The following RBMS3 variants were observed in gnomAD, a reference collection of about 807,000 sequenced individuals.
The protein encoded by RBMS3 is RNA binding motif single stranded interacting protein 3.
In RBMS3, 27 loss-of-function variants were observed where a neutral mutation model predicts 66.8. The observed-to-expected ratio is 0.40, with a 90% CI of 0.30 to 0.56. RBMS3 has a LOEUF of 0.56. Among genes scored for constraint, RBMS3 ranks in the 20% least tolerant of loss-of-function variants. The pLI, the probability that RBMS3 is intolerant of heterozygous loss-of-function variation, is 0.40. For missense variants in RBMS3, 513 were observed against 549.5 expected, an observed-to-expected ratio of 0.93 and a Z score of 0.66; for synonymous variants, 188 against 183.0, an observed-to-expected ratio of 1.03 and a Z score of -0.22.
At chr3:29,699,837 T>A (rs935508425) in intron 4 of RBMS3, among the ~76,000 whole-genome samples, 1 of 152,208 alleles carries the variant, frequency 6.6e-6, no homozygotes, top group South Asian at 2.1e-4. Context: ...TACCTGTCTG[T>A]GTAACCTCCT....
chr3:30,004,031 T>A lies in RBMS3; in HGVS notation c.*169T>A. On this transcript the variant is annotated 3_prime_UTR_variant, in exon 15 of 15. Transcript: ENST00000383767. ...ACCCAATGAAAGCAAAGTTTTTATGTGCTGTGCAAATGGTCTTCATGTGGT... is the reference window on the plus strand; with the variant it reads ...ACCCAATGAAAGCAAAGTTTTTATGAGCTGTGCAAATGGTCTTCATGTGGT... 2.3e-6 allele frequency: 1 copy of A among 437,082 alleles called. No individual in the cohort carries two copies. Among genetic ancestry groups the A allele is most frequent in the Admixed American group, 4.4e-5 (1 of 22,970 alleles). The allele number at this position is 437,082 out of a possible 1,614,324, so 27.1% of individuals were successfully genotyped here.
chr3:29,855,680 C>A (rs1336862280), intron 6 of RBMS3, among the ~76,000 whole-genome samples: 2 of 152,112 alleles, frequency 1.3e-5, no homozygotes, highest in Non-Finnish European at 2.9e-5. Flanking sequence ...ACTCTTTATG[C>A]AGATATTTTA....
chr3:29,624,670 C>T (rs888301570), intron 4 of RBMS3, among the ~76,000 whole-genome samples: 14 of 151,966 alleles, frequency 9.2e-5, no homozygotes, highest in Admixed American at 6.6e-4. Flanking sequence ...TAGTTATATA[C>T]GTCTTATGTT....
chr3:29,857,410 A>C (rs550827069), intron 6 of RBMS3, among the ~76,000 whole-genome samples: 50 of 120,650 alleles, frequency 4.1e-4, no homozygotes, highest in Admixed American at 7.1e-4. Context: ...GTTTTTTCCT[A>C]GGGTGGTTAA....
At chr3:29,624,284 A>G (rs2048977225) in intron 4 of RBMS3, among the ~76,000 whole-genome samples, 1 of 152,222 alleles carries the variant, frequency 6.6e-6, no homozygotes, top group Non-Finnish European at 1.5e-5. Flanking sequence ...GGCTAGTAAT[A>G]TGGAAGTCTA....
intron 1 of RBMS3, among the ~76,000 whole-genome samples, chr3:29,306,779 A>T (rs947092945): frequency 6.6e-6 from 1 of 151,750 alleles, no homozygotes; most frequent in Admixed American, 6.6e-5. Context: ...GACTTTGCTT[A>T]TGTTCTCCCG....
chr3:29,730,678 T>A (rs2054091399), intron 4 of RBMS3, among the ~76,000 whole-genome samples: 1 of 152,134 alleles, frequency 6.6e-6, no homozygotes, highest in Admixed American at 6.5e-5. Context: ...AAATAGACAT[T>A]CCTGGGGAAC....
At chr3:29,587,604 G>C (rs1164123796) in intron 4 of RBMS3, among the ~76,000 whole-genome samples, 2 of 151,678 alleles carry the variant, frequency 1.3e-5, no homozygotes, top group Non-Finnish European at 2.9e-5. Context: ...AACAGTTTTA[G>C]AGTAGTAGAA....
chr3:29,615,375 T>A (rs1297272933), intron 4 of RBMS3: 1 of 152,106 alleles, frequency 6.6e-6, no homozygotes, highest in Non-Finnish European at 1.5e-5. Context: ...TTAACTTTCC[T>A]CATATTAATA....
In RBMS3 at chr3:29,388,737, A is replaced by T. The variant is rs1298749815; in HGVS notation, c.76-46006A>T. On this transcript the variant is annotated intron_variant, in intron 1 of 14. Transcript: ENST00000383767. The stretch of plus-strand genomic sequence containing the variant: ...ACCGCCACTATGCCCAGCTAATTTT[A>T]GTATTTTTAGTAGAGACAGGGTTTC... 5.9e-5 allele frequency among the ~76,000 whole-genome samples: 9 copies of T among 152,060 alleles called. No homozygotes were observed. The East Asian group carries it at 1.2e-3, about 20-fold the overall frequency.
chr3:29,600,167 C>T (rs73831615), intron 4 of RBMS3, among the ~76,000 whole-genome samples: 2,388 of 152,042 alleles, frequency 0.016, 52 homozygotes, highest in African/African-American at 0.047. Context: ...CTGTTAATTT[C>T]CTTCTAGAAA....
At chr3:29,667,721 C>A (rs2050823214) in intron 4 of RBMS3, among the ~76,000 whole-genome samples, 1 of 152,082 alleles carries the variant, frequency 6.6e-6, no homozygotes, top group South Asian at 2.1e-4. Context: ...AGAAATGAAG[C>A]ACTGACCCAG....
chr3:29,763,731 T>C (rs1475884777), intron 6 of RBMS3, among the ~76,000 whole-genome samples: 1 of 152,080 alleles, frequency 6.6e-6, no homozygotes, highest in Admixed American at 6.6e-5. Flanking sequence ...GGCAGTAGTG[T>C]ATGTGGAAGG....
At chr3:29,552,133 A>G (rs2046199676) in intron 3 of RBMS3, among the ~76,000 whole-genome samples, 1 of 152,222 alleles carries the variant, frequency 6.6e-6, no homozygotes, top group South Asian at 2.1e-4. Context: ...AAATCTTGAT[A>G]CAACAAACCA....
intron 14 of RBMS3, among the ~76,000 whole-genome samples, chr3:30,002,920 A>T (rs1438171389): frequency 1.3e-5 from 2 of 152,022 alleles, no homozygotes; most frequent in East Asian, 1.9e-4. Flanking sequence ...TCAATCATAC[A>T]TCTTATATAG....
At chr3:29,754,891 C>T (rs2055337180) in intron 5 of RBMS3, among the ~76,000 whole-genome samples, 1 of 152,076 alleles carries the variant, frequency 6.6e-6, no homozygotes, top group South Asian at 2.1e-4. Flanking sequence ...AACAAAAATG[C>T]CTTAAACAAT....
At position 30,007,356 on chromosome 3, in the gene RBMS3, G is replaced by A. The variant is rs928156460; in HGVS notation, c.*3494G>A. On this transcript the variant is annotated 3_prime_UTR_variant, in exon 15 of 15. Transcript: ENST00000383767. ...CTTTAAGTTGAAGTTAATTTTCTGT[G>A]CATTCTGGTCCACCAGATTTTCAAG... 12 of 151,482 alleles carry A rather than the reference G, an allele frequency of 7.9e-5. No individual in the cohort carries two copies. Among genetic ancestry groups the A allele is most frequent in the African/African-American group, 2.9e-4 (12 of 41,192 alleles). 9.4% of individuals were successfully genotyped at this position (151,482 alleles called of 1,614,324 possible).
At chr3:29,352,355 CTATT>C (rs1476553414) in intron 1 of RBMS3, among the ~76,000 whole-genome samples, 9 of 151,844 alleles carry the variant, frequency 5.9e-5, no homozygotes, top group Non-Finnish European at 1.0e-4. Flanking sequence ...CATGATATAT[CTATT>C]TATTCACTAA....
At chr3:29,504,474 T>G in intron 3 of RBMS3, among the ~76,000 whole-genome samples, 1 of 152,096 alleles carries the variant, frequency 6.6e-6, no homozygotes, top group East Asian at 1.9e-4. Flanking sequence ...AAAATTTTAA[T>G]TGGAAAATTA....
Sources: allele counts gnomAD v4.1 joint callset (sites outside exome capture counted in the v4.1 genomes callset), GRCh38; gene constraint gnomAD v4.1.1; transcripts MANE v1.5; gene names NCBI Gene and HGNC (gene_info 2026-07-23, HGNC 2026-07-21).